Variants in VPS13B observed in about 807,000 individuals in gnomAD.
The protein encoded by VPS13B is intermembrane lipid transfer protein VPS13B.
In VPS13B, 285 loss-of-function variants were observed where a neutral mutation model predicts 426.4. The observed-to-expected ratio is 0.67, with a 90% CI of 0.61 to 0.74. VPS13B has a LOEUF of 0.74. Among genes scored for constraint, VPS13B ranks in the 30% least tolerant of loss-of-function variants. The pLI is 0.00. For synonymous variants in VPS13B, 1,676 were observed against 1,676.4 expected (o/e 1.00, Z 0.01); for missense variants, 4,537 against 4,782.6 (o/e 0.95, Z 1.51).
At chr8:99,463,080 T>G (rs1818921575) in intron 23 of VPS13B, among the ~76,000 whole-genome samples, 1 of 152,212 alleles carries the variant, frequency 6.6e-6, no homozygotes, top group South Asian at 2.1e-4. Flanking sequence ...AGTAGGAGTC[T>G]TCAATACCAA....
intron 58 of VPS13B, among the ~76,000 whole-genome samples, chr8:99,864,715 C>T (rs919779275): frequency 6.6e-6 from 1 of 152,140 alleles, no homozygotes; most frequent in East Asian, 1.9e-4. Context: ...TCAAAGGTGT[C>T]ATCTTATTTG....
intron 21 of VPS13B, among the ~76,000 whole-genome samples, chr8:99,409,223 GTGAGAGA>G (rs1815489826): frequency 2.0e-5 from 3 of 152,260 alleles, no homozygotes; most frequent in Admixed American, 1.3e-4. Context: ...AGTGTGTGGA[GTGAGAGA>G]TGAGGTCAGG....
intron 19 of VPS13B, chr8:99,341,784 C>T: frequency 2.9e-6 from 1 of 347,754 alleles, no homozygotes; most frequent in Non-Finnish European, 5.8e-6. Flanking sequence ...CCCAGGCGTC[C>T]CACCAGAGCC....
chr8:99,342,708 C>A (rs1333608773), intron 19 of VPS13B, among the ~76,000 whole-genome samples: 1 of 152,172 alleles, frequency 6.6e-6, no homozygotes, highest in East Asian at 1.9e-4. Context: ...GTGAACATGG[C>A]AGTGCAGATA....
chr8:99,248,162 A>G (rs1007056582), intron 17 of VPS13B, among the ~76,000 whole-genome samples: 1 of 152,174 alleles, frequency 6.6e-6, no homozygotes, highest in Non-Finnish European at 1.5e-5. Flanking sequence ...TGATTCAGGG[A>G]TTGATGTTTA....
chr8:99,665,983 C>T (rs1830469385), intron 35 of VPS13B, among the ~76,000 whole-genome samples: 1 of 152,146 alleles, frequency 6.6e-6, no homozygotes, highest in Non-Finnish European at 1.5e-5. Context: ...TTTGTATCCT[C>T]TTTTATTTCA....
intron 39 of VPS13B, among the ~76,000 whole-genome samples, chr8:99,727,136 A>T (rs1188284339): frequency 6.6e-6 from 1 of 152,228 alleles, no homozygotes; most frequent in East Asian, 1.9e-4. Flanking sequence ...CACAAAATTT[A>T]TAAGTGAGGG....
chr8:99,150,581 T>C (rs1169309012), intron 14 of VPS13B, among the ~76,000 whole-genome samples: 1 of 152,228 alleles, frequency 6.6e-6, no homozygotes, highest in Admixed American at 6.5e-5. Flanking sequence ...CTGATCTTTT[T>C]ACTGTCCTCA....
At chr8:99,354,548 C>T (rs1309241319) in intron 19 of VPS13B, among the ~76,000 whole-genome samples, 1 of 151,222 alleles carries the variant, frequency 6.6e-6, no homozygotes, top group Non-Finnish European at 1.5e-5. Flanking sequence ...ATGGAAATAT[C>T]CTATTATGGT....
intron 16 of VPS13B, among the ~76,000 whole-genome samples, chr8:99,175,164 T>A (rs1779149224): frequency 6.6e-6 from 1 of 152,214 alleles, no homozygotes; most frequent in Non-Finnish European, 1.5e-5. Context: ...CAGTTATTGT[T>A]GAATGATGTT....
At chr8:99,389,731 T>G (rs1048239443) in intron 20 of VPS13B, 1 of 152,176 alleles carries the variant, frequency 6.6e-6, no homozygotes, top group African/African-American at 2.4e-5. Context: ...GTAAGTGAAC[T>G]TATGTGGTTC....
chr8:99,280,435 G>T (rs893288760), intron 19 of VPS13B, among the ~76,000 whole-genome samples: 3 of 152,022 alleles, frequency 2.0e-5, no homozygotes, highest in Non-Finnish European at 4.4e-5. Context: ...GTTCCATGAG[G>T]GCAGAATTAA....
chr8:99,024,856 G>A (rs1249536586), intron 2 of VPS13B, among the ~76,000 whole-genome samples: 2 of 152,068 alleles, frequency 1.3e-5, no homozygotes, highest in African/African-American at 4.8e-5. Context: ...TAATTTAATA[G>A]GAATTGCATT....
intron 30 of VPS13B, among the ~76,000 whole-genome samples, chr8:99,544,535 T>C (rs1823846184): frequency 6.6e-6 from 1 of 152,190 alleles, no homozygotes; most frequent in Admixed American, 6.5e-5. Flanking sequence ...TTATTGAATG[T>C]TTTTGAAATG....
At chr8:99,773,716 G>A (rs1042502080) in intron 40 of VPS13B, among the ~76,000 whole-genome samples, 1 of 152,148 alleles carries the variant, frequency 6.6e-6, no homozygotes, top group Non-Finnish European at 1.5e-5. Context: ...GAGAGGTCTT[G>A]CTTCCAGGAA....
intron 17 of VPS13B, among the ~76,000 whole-genome samples, chr8:99,249,507 A>G (rs1173214962): frequency 6.6e-6 from 1 of 150,638 alleles, no homozygotes; most frequent in Non-Finnish European, 1.5e-5. Context: ...GCTCACTGCA[A>G]GCCCCTCCCT....
At position 99,733,327 on chromosome 8, in the gene VPS13B, A is replaced by G. The variant is rs548072272; in HGVS notation, c.7050+12280A>G. Among the ~76,000 whole-genome samples, 247 of 152,330 alleles carry G rather than the reference A, an allele frequency of 1.6e-3. 1 individual carries two copies. Among genetic ancestry groups the G allele is most frequent in the African/African-American group, 5.5e-3 (229 of 41,576 alleles). On this transcript the variant is annotated intron_variant, in intron 39 of 61. Coordinates refer to ENST00000357162, the MANE Select transcript of VPS13B (RefSeq NM_152564.5). ...TGTTAAGAGCACAGATTCTGGAGCTAAAGTCTCTGAGTCCAAATCCAAGGT... is the reference window on the plus strand; with the variant it reads ...TGTTAAGAGCACAGATTCTGGAGCTGAAGTCTCTGAGTCCAAATCCAAGGT...
intron 3 of VPS13B, among the ~76,000 whole-genome samples, chr8:99,071,991 G>GGACA (rs1844877213): frequency 6.6e-6 from 1 of 152,152 alleles, no homozygotes; most frequent in Admixed American, 6.5e-5. Context: ...CTCTGGCCCA[G>GGACA]GACAGACCCA....
intron 19 of VPS13B, among the ~76,000 whole-genome samples, chr8:99,358,515 A>T (rs1812314507): frequency 6.6e-6 from 1 of 152,228 alleles, no homozygotes; most frequent in Non-Finnish European, 1.5e-5. Flanking sequence ...ACCATATGAG[A>T]AGAATGTCAA....
Sources: gnomAD v4.1 joint callset for allele counts (sites outside exome capture counted in the v4.1 genomes callset) on GRCh38, gnomAD v4.1.1 for gene constraint, MANE v1.5 for transcripts, NCBI Gene and HGNC (gene_info 2026-07-23, HGNC 2026-07-21) for gene names.